LSAMP: variants seen among roughly 807,000 people sequenced by gnomAD.
The protein encoded by LSAMP is limbic system associated membrane protein, also known as limbic system-associated membrane protein.
A neutral mutation model predicts 38.6 loss-of-function variants in LSAMP; 7 were observed. That is an observed-to-expected ratio of 0.18 (90% CI 0.10 to 0.34). The LOEUF (loss-of-function observed/expected upper bound fraction) is 0.34, where lower values mean the gene tolerates loss of function less well. Among genes scored for constraint, LSAMP ranks in the 10% least tolerant of loss-of-function variants. LSAMP has a pLI of 1.00. For missense variants in LSAMP, 313 were observed against 420.0 expected (o/e 0.75, Z 2.23); for synonymous variants, 154 against 166.8 (o/e 0.92, Z 0.59).
intron 1 of LSAMP, among the ~76,000 whole-genome samples, chr3:116,101,570 AC>A (rs1372045877): frequency 6.6e-6 from 1 of 152,164 alleles, no homozygotes; most frequent in Non-Finnish European, 1.5e-5. Context: ...TCAATAACCT[AC>A]TTTTAGCTAT....
chr3:116,291,327 G>C (rs1025046295), intron 1 of LSAMP, among the ~76,000 whole-genome samples: 1 of 152,254 alleles, frequency 6.6e-6, no homozygotes, highest in East Asian at 1.9e-4. Flanking sequence ...ATGGGCAGAC[G>C]ATGTTGAATT....
intron 1 of LSAMP, among the ~76,000 whole-genome samples, chr3:116,106,585 G>A (rs1009899092): frequency 6.6e-6 from 1 of 151,894 alleles, no homozygotes; most frequent in African/African-American, 2.4e-5. Context: ...CCATTAGTCT[G>A]TCACTGAATA....
At chr3:116,272,821 A>C (rs2046992381) in intron 1 of LSAMP, among the ~76,000 whole-genome samples, 1 of 152,202 alleles carries the variant, frequency 6.6e-6, no homozygotes, top group African/African-American at 2.4e-5. Context: ...AAAAATAAAA[A>C]TGAAACTTTG....
chr3:115,810,462 C>G (rs1160234867), intron 6 of LSAMP, 48 bp from the exon 7 acceptor site: 13 of 1,277,422 alleles, frequency 1.0e-5, no homozygotes, highest in Middle Eastern at 3.6e-4. Flanking sequence ...TTACATGGGC[C>G]CACTGTATGT....
At chr3:116,385,945 T>A (rs1262024824) in intron 1 of LSAMP, among the ~76,000 whole-genome samples, 1 of 152,076 alleles carries the variant, frequency 6.6e-6, no homozygotes, top group African/African-American at 2.4e-5. Flanking sequence ...CTACTACTAC[T>A]ATTACAAATA....
intron 3 of LSAMP, among the ~76,000 whole-genome samples, chr3:115,869,370 G>A (rs537814854): frequency 2.6e-5 from 4 of 151,116 alleles, no homozygotes; most frequent in Non-Finnish European, 4.4e-5. Context: ...ATCTCTACTT[G>A]ATGAGTACCA....
chr3:116,126,757 A>C (rs367936070), intron 1 of LSAMP, among the ~76,000 whole-genome samples: 5 of 152,176 alleles, frequency 3.3e-5, no homozygotes, highest in African/African-American at 1.2e-4. Context: ...AGCTACTCAG[A>C]GGCTGAGGCA....
At chr3:116,425,733 G>A (rs2049186239) in intron 1 of LSAMP, among the ~76,000 whole-genome samples, 1 of 151,402 alleles carries the variant, frequency 6.6e-6, no homozygotes, top group Non-Finnish European at 1.5e-5. Context: ...CTGCCTATAA[G>A]TCCATAAATA....
intron 1 of LSAMP, among the ~76,000 whole-genome samples, chr3:116,320,685 C>G (rs2047695795): frequency 6.6e-6 from 1 of 152,166 alleles, no homozygotes; most frequent in Non-Finnish European, 1.5e-5. Flanking sequence ...CATTCATTCA[C>G]TGTCCTCTCG....
chr3:115,917,424 C>T (rs1937275541), intron 3 of LSAMP, among the ~76,000 whole-genome samples: 1 of 152,194 alleles, frequency 6.6e-6, no homozygotes, highest in South Asian at 2.1e-4. Flanking sequence ...GTGATTTCCT[C>T]TTTATCACTT....
chr3:115,815,146 A>C (rs763835109), intron 6 of LSAMP, among the ~76,000 whole-genome samples: 39 of 152,132 alleles, frequency 2.6e-4, no homozygotes, highest in Non-Finnish European at 4.9e-4. Flanking sequence ...GTTCAGAGAG[A>C]GAGAGAGAAA....
intron 1 of LSAMP, among the ~76,000 whole-genome samples, chr3:116,133,005 C>G (rs1369588274): frequency 6.6e-6 from 1 of 152,110 alleles, no homozygotes; most frequent in Non-Finnish European, 1.5e-5. Flanking sequence ...TAAATGGTGC[C>G]TCAGATCACT....
chr3:115,943,555 C>T (rs1188558642), intron 3 of LSAMP, among the ~76,000 whole-genome samples: 1 of 152,196 alleles, frequency 6.6e-6, no homozygotes, highest in Non-Finnish European at 1.5e-5. Flanking sequence ...GCTATCTGTT[C>T]TCAACTCCCT....
chr3:115,838,626 G>A (rs1201856023), intron 6 of LSAMP, among the ~76,000 whole-genome samples: 1 of 152,242 alleles, frequency 6.6e-6, no homozygotes, highest in Admixed American at 6.5e-5. Flanking sequence ...GACTGAGGTA[G>A]TGTGGATCTT....
chr3:115,909,377 T>C (rs960540316), intron 3 of LSAMP, among the ~76,000 whole-genome samples: 3 of 152,196 alleles, frequency 2.0e-5, no homozygotes, highest in Admixed American at 2.0e-4. Context: ...GAGATATGAG[T>C]ATAAGAACCA....
chr3:115,858,239 C>A (rs1277163072), intron 3 of LSAMP, among the ~76,000 whole-genome samples: 1 of 152,004 alleles, frequency 6.6e-6, no homozygotes, highest in East Asian at 1.9e-4. Context: ...GAGCAGCACA[C>A]ACATTTCCTC....
At position 116,019,522 on chromosome 3, in the gene LSAMP, T is replaced by C; in HGVS notation, c.507A>G (p.Thr169=). The C allele has an allele frequency of 1.2e-6, 2 of 1,611,972 alleles. No homozygotes were observed. Among genetic ancestry groups the C allele is most frequent in the Non-Finnish European group, 1.7e-6 (2 of 1,178,586 alleles). Residue 169 remains threonine (T), a synonymous_variant, in exon 3 of 7, where the codon ACA becomes ACG. Transcript: ENST00000490035. ...ACCTGGAGTATTGCTTACCAGTTGGTGTAAGGTGTCTCCAGGTGATAACAG... is the reference window on the plus strand; with the variant it reads ...ACCTGGAGTATTGCTTACCAGTTGGCGTAAGGTGTCTCCAGGTGATAACAG... ...PEPVITWRHL[T]PTGREFEGEE...
At chr3:116,265,415 A>C (rs746657883) in intron 1 of LSAMP, among the ~76,000 whole-genome samples, 1 of 152,202 alleles carries the variant, frequency 6.6e-6, no homozygotes, top group Non-Finnish European at 1.5e-5. Context: ...TTGACAATGT[A>C]GTAACTTTTC....
intron 6 of LSAMP, among the ~76,000 whole-genome samples, chr3:115,818,732 T>TTTATATATATATATAATAAA (rs1417241203): frequency 7.2e-6 from 1 of 138,346 alleles, no homozygotes; most frequent in Non-Finnish European, 1.5e-5. Context: ...GTCCAAAGAA[T>TTTATATATATATATAATAAA]TTATATATAT....
Sources: gnomAD v4.1 joint callset for allele counts (sites outside exome capture counted in the v4.1 genomes callset) on GRCh38, gnomAD v4.1.1 for gene constraint, MANE v1.5 for transcripts, NCBI Gene and HGNC (gene_info 2026-07-23, HGNC 2026-07-21) for gene names.